Variants in EHBP1 observed in about 807,000 individuals in gnomAD.
The protein encoded by EHBP1 is EH domain binding protein 1, also known as EH domain-binding protein 1.
A neutral mutation model predicts 144.0 loss-of-function variants in EHBP1; 55 were observed. The observed-to-expected ratio is 0.38, with a 90% CI of 0.31 to 0.48. EHBP1 has a LOEUF of 0.48. Among genes scored for constraint, EHBP1 ranks in the 20% least tolerant of loss-of-function variants. EHBP1 has a pLI of 0.98. For missense variants in EHBP1, 1,200 were observed against 1,364.2 expected (o/e 0.88, Z 1.90); for synonymous variants, 469 against 472.7 (o/e 0.99, Z 0.10).
intron 14 of EHBP1, among the ~76,000 whole-genome samples, chr2:62,960,709 A>C (rs1408476496): frequency 6.6e-6 from 1 of 152,156 alleles, no homozygotes; most frequent in Non-Finnish European, 1.5e-5. Flanking sequence ...AAACATGAAA[A>C]CTTTGCTATA....
intron 10 of EHBP1, among the ~76,000 whole-genome samples, chr2:62,883,943 C>A (rs1048386804): frequency 6.6e-6 from 1 of 151,994 alleles, no homozygotes; most frequent in African/African-American, 2.4e-5. Flanking sequence ...GCACTCCAGC[C>A]GGTATGGCAG....
At chr2:62,674,194 G>T (rs1449919192) in intron 1 of EHBP1, 2 of 464,720 alleles carry the variant, frequency 4.3e-6, no homozygotes, top group Admixed American at 4.8e-5. Flanking sequence ...AGATTTTCAT[G>T]TGTGTGTATG....
intron 10 of EHBP1, among the ~76,000 whole-genome samples, chr2:62,923,385 G>A (rs2055237447): frequency 6.6e-6 from 1 of 152,178 alleles, no homozygotes; most frequent in Non-Finnish European, 1.5e-5. Flanking sequence ...CCTCTGAACA[G>A]CTGACATTCT....
At chr2:62,967,533 T>G (rs1242202185) in intron 14 of EHBP1, among the ~76,000 whole-genome samples, 1 of 152,172 alleles carries the variant, frequency 6.6e-6, no homozygotes, top group Non-Finnish European at 1.5e-5. Context: ...TGCAGGACAT[T>G]TTTTTCTTTT....
At chr2:62,756,785 A>T (rs935506951) in intron 3 of EHBP1, among the ~76,000 whole-genome samples, 6 of 151,692 alleles carry the variant, frequency 4.0e-5, no homozygotes, top group African/African-American at 7.3e-5. Context: ...AAAAAAAAAA[A>T]AAAAGACAGA....
intron 7 of EHBP1, among the ~76,000 whole-genome samples, chr2:62,847,999 T>G (rs2048412894): frequency 6.6e-6 from 1 of 152,008 alleles, no homozygotes; most frequent in Non-Finnish European, 1.5e-5. Context: ...CTACTAAATG[T>G]TGGCAAGGCT....
At chr2:62,714,445 C>T (rs1055860784) in intron 2 of EHBP1, among the ~76,000 whole-genome samples, 11 of 152,168 alleles carry the variant, frequency 7.2e-5, no homozygotes, top group African/African-American at 1.9e-4. Flanking sequence ...AACTTTAGAA[C>T]AGCTTCTGAA....
At chr2:62,922,880 T>G (rs2055195043) in intron 10 of EHBP1, among the ~76,000 whole-genome samples, 1 of 152,160 alleles carries the variant, frequency 6.6e-6, no homozygotes, top group African/African-American at 2.4e-5. Flanking sequence ...AAGATCTCCA[T>G]TAACCCCCAT....
At chr2:62,734,603 C>A (rs2037933557) in intron 2 of EHBP1, among the ~76,000 whole-genome samples, 1 of 152,090 alleles carries the variant, frequency 6.6e-6, no homozygotes, top group African/African-American at 2.4e-5. Context: ...TTTTGAACCT[C>A]TGACAATCTT....
chr2:62,818,095 A>C (rs76133106), intron 5 of EHBP1, among the ~76,000 whole-genome samples: 1 of 151,574 alleles, frequency 6.6e-6, no homozygotes, highest in African/African-American at 2.4e-5. Flanking sequence ...CATTAAAAAA[A>C]CTTTTTAAAT....
At chr2:62,730,757 AAG>A (rs922716228) in intron 2 of EHBP1, among the ~76,000 whole-genome samples, 1 of 110,964 alleles carries the variant, frequency 9.0e-6, no homozygotes, top group Non-Finnish European at 1.9e-5. Context: ...GAGAGAAAGA[AAG>A]AGAGAGACAG....
intron 2 of EHBP1, chr2:62,726,568 T>C (rs535720166): frequency 6.6e-6 from 1 of 152,392 alleles, no homozygotes; most frequent in Admixed American, 6.5e-5. Context: ...CTCTCTCTTA[T>C]CCTATTCCTA....
At chr2:62,796,688 CA>C (rs1361079552) in intron 5 of EHBP1, among the ~76,000 whole-genome samples, 1 of 152,116 alleles carries the variant, frequency 6.6e-6, no homozygotes, top group Admixed American at 6.5e-5. Context: ...ATACCATTTA[CA>C]AAACACTTCC....
intron 10 of EHBP1, among the ~76,000 whole-genome samples, chr2:62,895,028 G>A (rs1294986327): frequency 6.6e-6 from 1 of 151,994 alleles, no homozygotes; most frequent in Non-Finnish European, 1.5e-5. Context: ...AAACTGTACG[G>A]ATGAATCTCA....
At chr2:62,909,792 C>G (rs1006992151) in intron 10 of EHBP1, among the ~76,000 whole-genome samples, 1 of 152,124 alleles carries the variant, frequency 6.6e-6, no homozygotes, top group African/African-American at 2.4e-5. Flanking sequence ...GAGTCTTGCT[C>G]TGTCACCCAG....
intron 19 of EHBP1, among the ~76,000 whole-genome samples, chr2:63,035,078 A>T (rs1014736335): frequency 6.6e-6 from 1 of 152,092 alleles, no homozygotes; most frequent in African/African-American, 2.4e-5. Flanking sequence ...TTAACCAGTT[A>T]TTAAAGTCAG....
intron 19 of EHBP1, among the ~76,000 whole-genome samples, chr2:63,022,649 T>G (rs577834824): frequency 4.6e-5 from 7 of 152,272 alleles, no homozygotes; most frequent in Non-Finnish European, 5.9e-5. Context: ...TGGTAGATTA[T>G]TAAGTCTTTC....
intron 9 of EHBP1, among the ~76,000 whole-genome samples, chr2:62,870,179 T>C (rs1374525752): frequency 6.6e-6 from 1 of 152,144 alleles, no homozygotes; most frequent in Non-Finnish European, 1.5e-5. Context: ...GGTAATAGCT[T>C]TGTGCAAAAG....
At chr2:62,960,856 A>T (rs1413147477) in intron 14 of EHBP1, among the ~76,000 whole-genome samples, 4 of 152,330 alleles carry the variant, frequency 2.6e-5, no homozygotes, top group Non-Finnish European at 5.9e-5. Flanking sequence ...CCACTTGGGT[A>T]CTTAAGCTTA....
Sources: gnomAD v4.1 joint callset for allele counts (sites outside exome capture counted in the v4.1 genomes callset) on GRCh38, gnomAD v4.1.1 for gene constraint, MANE v1.5 for transcripts, NCBI Gene and HGNC (gene_info 2026-07-23, HGNC 2026-07-21) for gene names.